The following NCKAP5 variants were observed in gnomAD, a reference collection of about 807,000 sequenced individuals.
NCKAP5 encodes the protein NCK associated protein 5, also known as nck-associated protein 5.
A neutral mutation model predicts 167.0 loss-of-function variants in NCKAP5; 92 were observed. That is an observed-to-expected ratio of 0.55 (90% CI 0.47 to 0.66). NCKAP5 has a LOEUF of 0.66. Ranked by LOEUF, NCKAP5 falls within the 30% of genes least tolerant of loss-of-function variation. The pLI is 0.00. For synonymous variants in NCKAP5, 891 were observed against 877.4 expected (o/e 1.02, Z -0.27); for missense variants, 2,378 against 2,315.0 (o/e 1.03, Z -0.56).
At chr2:133,667,562 A>C in the NCKAP5 span, among the ~76,000 whole-genome samples, 1 of 151,998 alleles carries the variant, frequency 6.6e-6, no homozygotes, top group Non-Finnish European at 1.5e-5. Flanking sequence ...TTCTACTACA[A>C]ACAGGACAAA....
intron 4 of NCKAP5, among the ~76,000 whole-genome samples, chr2:133,248,723 A>G (rs537198471): frequency 6.6e-6 from 1 of 152,248 alleles, no homozygotes; most frequent in East Asian, 1.9e-4. Flanking sequence ...TGGATAATTC[A>G]TGGTTTTACA....
intron 3 of NCKAP5, chr2:133,391,073 T>A (rs1190930329): frequency 6.6e-6 from 1 of 152,188 alleles, no homozygotes; most frequent in Non-Finnish European, 1.5e-5. Flanking sequence ...AGCCCTCCTA[T>A]TCTTTCCACC....
At chr2:132,884,797 T>C (rs185239611) in intron 8 of NCKAP5, among the ~76,000 whole-genome samples, 7 of 152,236 alleles carry the variant, frequency 4.6e-5, no homozygotes, top group Admixed American at 3.9e-4. Context: ...AAAACATGTA[T>C]GGAAATAAAG....
At chr2:132,773,166 C>G (rs961432586) in intron 16 of NCKAP5, among the ~76,000 whole-genome samples, 1 of 152,128 alleles carries the variant, frequency 6.6e-6, no homozygotes, top group African/African-American at 2.4e-5. Context: ...CCTGGAGGAG[C>G]TAAAGGTGCC....
intron 3 of NCKAP5, among the ~76,000 whole-genome samples, chr2:133,419,141 G>A (rs75092431): frequency 1.5e-4 from 23 of 152,260 alleles, no homozygotes; most frequent in Non-Finnish European, 2.9e-4. Flanking sequence ...AATCAGAGAC[G>A]GAACCCTCAA....
intron 3 of NCKAP5, among the ~76,000 whole-genome samples, chr2:133,359,280 C>T (rs116729305): frequency 4.2e-4 from 64 of 152,326 alleles, no homozygotes; most frequent in Non-Finnish European, 9.0e-4. Context: ...GCATTTCTCA[C>T]GTCTTACAAC....
chr2:133,549,781 C>A (rs1451792421), intron 2 of NCKAP5, among the ~76,000 whole-genome samples: 14 of 150,806 alleles, frequency 9.3e-5, no homozygotes, highest in African/African-American at 2.9e-4. Context: ...CACAAAAAAA[C>A]CCTTCAAAAA....
chr2:133,008,085 C>A (rs184508168), intron 6 of NCKAP5, among the ~76,000 whole-genome samples: 4 of 152,202 alleles, frequency 2.6e-5, no homozygotes, highest in African/African-American at 9.6e-5. Flanking sequence ...GACTGGCAGC[C>A]CAGCCTCGCT....
At chr2:133,549,598 G>A (rs1687091133) in intron 2 of NCKAP5, among the ~76,000 whole-genome samples, 2 of 149,574 alleles carry the variant, frequency 1.3e-5, no homozygotes, top group Admixed American at 1.3e-4. Flanking sequence ...TCAAAGCAGT[G>A]TGTAGAGGGA....
At chr2:133,343,465 C>A (rs1231344262) in intron 3 of NCKAP5, among the ~76,000 whole-genome samples, 1 of 150,928 alleles carries the variant, frequency 6.6e-6, no homozygotes, top group Non-Finnish European at 1.5e-5. Flanking sequence ...AGAGGATTAT[C>A]ACAGAGGCCA....
At chr2:132,768,797 GC>G (rs1465474705) in intron 16 of NCKAP5, among the ~76,000 whole-genome samples, 51 of 151,398 alleles carry the variant, frequency 3.4e-4, no homozygotes, top group African/African-American at 1.1e-3. Context: ...CCGCCACCAC[GC>G]CCGGCTAATT....
At chr2:132,998,791 A>G (rs187030688) in intron 6 of NCKAP5, among the ~76,000 whole-genome samples, 65 of 152,242 alleles carry the variant, frequency 4.3e-4, no homozygotes, top group African/African-American at 1.1e-3. Context: ...TGTCTCCCCA[A>G]TATGATTAAG....
intron 16 of NCKAP5, among the ~76,000 whole-genome samples, chr2:132,771,856 T>G (rs1480051804): frequency 0.012 from 1,683 of 146,098 alleles, 52 homozygotes; most frequent in African/African-American, 0.04. Flanking sequence ...TTTTTTTTTT[T>G]TTTTTTTTGT....
At chr2:132,979,750 C>T (rs531353434) in intron 7 of NCKAP5, among the ~76,000 whole-genome samples, 1 of 152,310 alleles carries the variant, frequency 6.6e-6, no homozygotes, top group African/African-American at 2.4e-5. Context: ...CCAAAGGATA[C>T]TCCCATTTAT....
intron 3 of NCKAP5, among the ~76,000 whole-genome samples, chr2:133,488,699 G>A (rs542459875): frequency 1.2e-4 from 19 of 152,142 alleles, no homozygotes; most frequent in East Asian, 9.7e-4. Context: ...TAAGGTGGGC[G>A]GATCATGAGG....
intron 5 of NCKAP5, among the ~76,000 whole-genome samples, chr2:133,185,577 T>C (rs571678718): frequency 3.3e-5 from 5 of 152,214 alleles, no homozygotes; most frequent in African/African-American, 9.6e-5. Context: ...TGTAATAATA[T>C]TGATTTTTCT....
intron 4 of NCKAP5, among the ~76,000 whole-genome samples, chr2:133,260,241 C>A (rs1422238604): frequency 6.6e-6 from 1 of 152,098 alleles, no homozygotes; most frequent in Non-Finnish European, 1.5e-5. Flanking sequence ...CAACTCATTG[C>A]CTGACACATG....
chr2:133,511,476 G>A (rs1166686474), intron 3 of NCKAP5, among the ~76,000 whole-genome samples: 2 of 152,232 alleles, frequency 1.3e-5, no homozygotes, highest in Non-Finnish European at 2.9e-5. Context: ...TCACTGGGTA[G>A]ATACTTGTCT....
At chr2:133,595,509 T>C in the NCKAP5 span, among the ~76,000 whole-genome samples, 121 of 151,826 alleles carry the variant, frequency 8.0e-4, 1 homozygote, top group Admixed American at 2.2e-3. Flanking sequence ...TTCTTGAAGG[T>C]ATTTAAGATG....
Sources: allele counts gnomAD v4.1 joint callset (sites outside exome capture counted in the v4.1 genomes callset), GRCh38; gene constraint gnomAD v4.1.1; transcripts MANE v1.5; gene names NCBI Gene and HGNC (gene_info 2026-07-23, HGNC 2026-07-21).